The following TENM3 variants were observed in gnomAD, a reference collection of about 807,000 sequenced individuals.
TENM3 encodes teneurin transmembrane protein 3, also known as teneurin-3.
In TENM3, 63 loss-of-function variants were observed where a neutral mutation model predicts 255.1. The ratio of observed to expected loss-of-function variants is 0.25; its 90% CI spans 0.20 to 0.30. TENM3 has a LOEUF of 0.30. Among genes scored for constraint, TENM3 ranks in the 10% least tolerant of loss-of-function variants. The probability of loss-of-function intolerance (pLI) is 1.00; values close to 1 mark genes in which losing one functional copy is unlikely to be tolerated. For missense variants in TENM3, 2,929 were observed against 3,461.1 expected (o/e 0.85, Z 3.86); for synonymous variants, 1,306 against 1,322.3 (o/e 0.99, Z 0.27).
At chr4:182,567,390 A>G (rs1025682233) in intron 3 of TENM3, among the ~76,000 whole-genome samples, 1 of 152,172 alleles carries the variant, frequency 6.6e-6, no homozygotes, top group Admixed American at 6.5e-5. Context: ...TGTTCTCAAC[A>G]TAGGCCAGAG....
chr4:182,668,375 G>A (rs768991507), intron 6 of TENM3, among the ~76,000 whole-genome samples: 19 of 152,108 alleles, frequency 1.2e-4, no homozygotes, highest in African/African-American at 1.7e-4. Context: ...CTCCTACCCC[G>A]TTCCTTATTG....
rs554621982 is a variant in TENM3 at position 182,495,982 on chromosome 4, G to A, written c.512-104942G>A. Among the ~76,000 whole-genome samples, 68 of 152,260 alleles carry A rather than the reference G, an allele frequency of 4.5e-4. 2 individuals are homozygous for A. In the South Asian group the frequency reaches 0.014, roughly 31 times the overall value. On this transcript the variant is annotated intron_variant, in intron 3 of 27. Transcript: ENST00000511685. ...TATTTAGACTGACCTTGGAAGCTAA[G>A]CATTTTACATGATATTGTCAGGTGA...
chr4:182,290,669 A>G (rs929444201), intron 1 of TENM3, among the ~76,000 whole-genome samples: 1 of 148,628 alleles, frequency 6.7e-6, no homozygotes, highest in African/African-American at 2.5e-5. Flanking sequence ...CGCCCAGCTA[A>G]TTTTTTTGTA....
At chr4:182,529,309 C>T (rs1195952948) in intron 3 of TENM3, among the ~76,000 whole-genome samples, 2 of 152,152 alleles carry the variant, frequency 1.3e-5, no homozygotes. Context: ...AAGATTATCA[C>T]TGTGGCTTAT....
the TENM3 span, among the ~76,000 whole-genome samples, chr4:181,699,377 A>G: frequency 2.3e-5 from 3 of 131,934 alleles, no homozygotes; most frequent in Non-Finnish European, 4.7e-5. Flanking sequence ...CAGGAGTTCC[A>G]GGCTTCAGTG....
intron 1 of TENM3, among the ~76,000 whole-genome samples, chr4:182,188,465 G>A (rs1753307979): frequency 6.6e-6 from 1 of 152,096 alleles, no homozygotes; most frequent in Admixed American, 6.5e-5. Context: ...TCTGTCACAG[G>A]TGTCTAACCT....
At chr4:182,190,091 T>C (rs1042183751) in intron 1 of TENM3, 6 of 152,250 alleles carry the variant, frequency 3.9e-5, no homozygotes, top group Admixed American at 6.5e-5. Flanking sequence ...TGTCTCATTT[T>C]CTATAAACAT....
chr4:182,464,412 A>G (rs188210762), intron 3 of TENM3, among the ~76,000 whole-genome samples: 2 of 152,178 alleles, frequency 1.3e-5, no homozygotes, highest in East Asian at 1.9e-4. Context: ...GCCTGCTGCC[A>G]TGTCCAGCTA....
chr4:182,217,919 A>G (rs997244029), intron 1 of TENM3, among the ~76,000 whole-genome samples: 6 of 152,236 alleles, frequency 3.9e-5, no homozygotes, highest in African/African-American at 1.4e-4. Flanking sequence ...TGGAAAGCCT[A>G]TCAATGGTGA....
At chr4:181,809,944 C>T in the TENM3 span, among the ~76,000 whole-genome samples, 5 of 152,084 alleles carry the variant, frequency 3.3e-5, no homozygotes, top group African/African-American at 1.2e-4. Flanking sequence ...TTCTTTTTTG[C>T]CCCTTAAAGC....
chr4:181,927,822 G>A, the TENM3 span, among the ~76,000 whole-genome samples: 1 of 152,210 alleles, frequency 6.6e-6, no homozygotes, highest in Non-Finnish European at 1.5e-5. Context: ...GCTTCCAGAG[G>A]AAGAAACAGA....
At chr4:182,709,797 A>C (rs1033860571) in intron 12 of TENM3, among the ~76,000 whole-genome samples, 1 of 152,188 alleles carries the variant, frequency 6.6e-6, no homozygotes, top group African/African-American at 2.4e-5. Context: ...CAAATGAAGA[A>C]TCGTGGTATC....
chr4:182,323,420 T>TAAAAAAA (rs11313091), intron 1 of TENM3, among the ~76,000 whole-genome samples: 1 of 130,294 alleles, frequency 7.7e-6, no homozygotes, highest in African/African-American at 2.7e-5. Context: ...TAAGATATAT[T>TAAAAAAA]AAAAAAAAAA....
the TENM3 span, among the ~76,000 whole-genome samples, chr4:181,581,743 T>A: frequency 6.6e-6 from 1 of 151,760 alleles, no homozygotes; most frequent in Non-Finnish European, 1.5e-5. Flanking sequence ...TTTTTTTTTT[T>A]TTAATTTGCG....
In TENM3 at chr4:182,797,145, T is replaced by C. The variant is rs556150403; in HGVS notation, c.7344+378T>C. On this transcript the variant is annotated intron_variant, in intron 27 of 27. Coordinates refer to ENST00000511685, the MANE Select transcript of TENM3 (RefSeq NM_001080477.4). The stretch of plus-strand genomic sequence containing the variant: ...CCACAAGGTTCAACTTCTTTAAAAA[T>C]TAACAGTGTTTTGGCCGAGTGAGGG... Among the ~76,000 whole-genome samples the C allele has an allele frequency of 6.6e-5, 10 of 152,234 alleles. 1 individual carries two copies. The South Asian group carries it at 2.1e-3, about 32-fold the overall frequency.
intron 3 of TENM3, among the ~76,000 whole-genome samples, chr4:182,466,824 TA>T (rs33968781): frequency 0.9 from 135,112 of 150,660 alleles, 61,129 homozygotes; most frequent in East Asian, 1. Context: ...TACAAGAAGG[TA>T]AAAAAATGCT....
At chr4:182,089,066 C>T in the TENM3 span, among the ~76,000 whole-genome samples, 1 of 152,128 alleles carries the variant, frequency 6.6e-6, no homozygotes, top group Non-Finnish European at 1.5e-5. Context: ...GCTCAGAAGA[C>T]AGTGGTCTAT....
At chr4:181,543,217 T>G in the TENM3 span, among the ~76,000 whole-genome samples, 1 of 152,186 alleles carries the variant, frequency 6.6e-6, no homozygotes, top group East Asian at 1.9e-4. Flanking sequence ...TTCAAACGTG[T>G]GTACTCAAAG....
intron 1 of TENM3, among the ~76,000 whole-genome samples, chr4:182,177,587 A>G (rs1752573421): frequency 3.3e-5 from 5 of 151,186 alleles, no homozygotes; most frequent in African/African-American, 9.7e-5. Context: ...TAAAATGGGG[A>G]CATATTTGGC....
Sources: gnomAD v4.1 joint callset for allele counts (sites outside exome capture counted in the v4.1 genomes callset) on GRCh38, gnomAD v4.1.1 for gene constraint, MANE v1.5 for transcripts, NCBI Gene and HGNC (gene_info 2026-07-23, HGNC 2026-07-21) for gene names.